Variants in FGGY observed in about 807,000 individuals in gnomAD.
The protein encoded by FGGY is FGGY carbohydrate kinase domain containing, also known as FGGY carbohydrate kinase domain-containing protein.
A neutral mutation model predicts 71.3 loss-of-function variants in FGGY; 72 were observed. The ratio of observed to expected loss-of-function variants is 1.01; its 90% confidence interval spans 0.84 to 1.23. FGGY has a LOEUF of 1.23. Among genes scored for constraint, FGGY ranks in the 50% most tolerant of loss-of-function variants. The pLI is 0.00. For synonymous variants in FGGY, 251 were observed against 250.3 expected (o/e 1.00, Z -0.02); for missense variants, 668 against 682.3 (o/e 0.98, Z 0.23).
intron 14 of FGGY, among the ~76,000 whole-genome samples, chr1:59,731,268 G>A (rs1383293925): frequency 1.9e-4 from 29 of 152,170 alleles, no homozygotes; most frequent in Admixed American, 1.4e-3. Flanking sequence ...CAAAGAAGGC[G>A]GGAAAGAAAA....
chr1:59,474,769 A>G (rs2093176549), intron 6 of FGGY, among the ~76,000 whole-genome samples: 1 of 152,234 alleles, frequency 6.6e-6, no homozygotes, highest in Non-Finnish European at 1.5e-5. Flanking sequence ...TAAATAAGTA[A>G]TAAGTTCACA....
intron 4 of FGGY, among the ~76,000 whole-genome samples, chr1:59,354,481 G>A (rs915891371): frequency 6.6e-6 from 1 of 152,208 alleles, no homozygotes; most frequent in African/African-American, 2.4e-5. Context: ...TTGAACTTTG[G>A]CATTTCACAT....
chr1:59,444,483 G>A (rs1204009247), intron 5 of FGGY, among the ~76,000 whole-genome samples: 2 of 151,974 alleles, frequency 1.3e-5, no homozygotes, highest in East Asian at 1.9e-4. Context: ...TCTTACAGTG[G>A]TATAGAACAG....
At chr1:59,319,789 C>A (rs2046066132) in intron 1 of FGGY, among the ~76,000 whole-genome samples, 3 of 152,004 alleles carry the variant, frequency 2.0e-5, no homozygotes, top group African/African-American at 7.3e-5. Flanking sequence ...GTGTGAGATC[C>A]CGTGCTGAGG....
chr1:59,345,014 C>T (rs188172158), intron 3 of FGGY, among the ~76,000 whole-genome samples: 1 of 152,218 alleles, frequency 6.6e-6, no homozygotes, highest in East Asian at 1.9e-4. Context: ...TTCCAAAATA[C>T]ACTTTGTGCA....
chr1:59,605,064 A>T (rs149385947), intron 8 of FGGY, among the ~76,000 whole-genome samples: 181 of 152,214 alleles, frequency 1.2e-3, no homozygotes, highest in African/African-American at 4.2e-3. Context: ...TCTCATACAC[A>T]CAACACTCAC....
intron 9 of FGGY, among the ~76,000 whole-genome samples, chr1:59,616,015 G>A (rs560591842): frequency 2.5e-4 from 38 of 152,266 alleles, no homozygotes; most frequent in African/African-American, 8.4e-4. Context: ...TGGAGAAATA[G>A]GAACACTTTT....
intron 5 of FGGY, among the ~76,000 whole-genome samples, chr1:59,447,059 C>T (rs777046779): frequency 6.2e-4 from 94 of 152,118 alleles, no homozygotes; most frequent in Admixed American, 2.6e-4. Flanking sequence ...ATTTTGGTGA[C>T]CCTTTCGCTT....
intron 14 of FGGY, among the ~76,000 whole-genome samples, chr1:59,731,055 T>C (rs2098021251): frequency 6.6e-6 from 1 of 152,176 alleles, no homozygotes; most frequent in South Asian, 2.1e-4. Flanking sequence ...CAAGGTCCAT[T>C]TTCTCCCTGC....
At chr1:59,685,747 A>G (rs2097538896) in intron 14 of FGGY, among the ~76,000 whole-genome samples, 2 of 152,146 alleles carry the variant, frequency 1.3e-5, no homozygotes, top group African/African-American at 4.8e-5. Flanking sequence ...TCTGATCTGG[A>G]CTAGGCAGTT....
At chr1:59,335,155 G>A (rs1309775884) in intron 2 of FGGY, among the ~76,000 whole-genome samples, 1 of 152,086 alleles carries the variant, frequency 6.6e-6, no homozygotes, top group Non-Finnish European at 1.5e-5. Flanking sequence ...TTATACAGTG[G>A]TGCAATCATC....
At chr1:59,735,674 C>T (rs2098095156) in intron 14 of FGGY, among the ~76,000 whole-genome samples, 2 of 152,238 alleles carry the variant, frequency 1.3e-5, no homozygotes, top group Non-Finnish European at 2.9e-5. Context: ...GAATGCTGCT[C>T]AGACCCACAA....
chr1:59,659,661 A>G (rs2097256454), intron 11 of FGGY, among the ~76,000 whole-genome samples: 1 of 152,166 alleles, frequency 6.6e-6, no homozygotes, highest in Admixed American at 6.5e-5. Context: ...TCAGAGATTG[A>G]CATACTCCAT....
In FGGY at chr1:59,554,175, C is replaced by G. The variant is rs1275880573; in HGVS notation, c.851C>G (p.Pro284Arg). ...CACGGCCTCATCTGTGAGGGGCAGCCAGTGACGTCACGGCTGGCTGTCATC... is the reference window on the plus strand; with the variant it reads ...CACGGCCTCATCTGTGAGGGGCAGCGAGTGACGTCACGGCTGGCTGTCATC... ...RGHGLICEGQ[P>R]VTSRLAVICG... is the part of the protein sequence containing the mutation. The change falls in exon 8 of 16, where the codon CCA becomes CGA. Residue 284 changes from proline to arginine, a missense_variant. Around this residue, in one of 2 missense-constraint regions of FGGY, gnomAD observed 661 missense variants for 661.6 expected, o/e 1.00. Transcript: ENST00000303721. The G allele has an allele frequency of 6.2e-7, 1 of 1,613,680 alleles. No homozygotes were observed. Among genetic ancestry groups the G allele is most frequent in the Admixed American group, 1.7e-5 (1 of 60,022 alleles).
intron 4 of FGGY, among the ~76,000 whole-genome samples, chr1:59,352,420 T>C (rs74763760): frequency 0.024 from 3,720 of 152,324 alleles, 175 homozygotes; most frequent in African/African-American, 0.086. Flanking sequence ...TTGAGATTTT[T>C]CTTGCTTATT....
chr1:59,759,665 AG>A (rs1455048806), intron 15 of FGGY, among the ~76,000 whole-genome samples: 1 of 152,236 alleles, frequency 6.6e-6, no homozygotes, highest in East Asian at 1.9e-4. Flanking sequence ...GAGATTTGCA[AG>A]GAGACAGGAG....
chr1:59,504,366 G>T (rs1212731994), intron 6 of FGGY, among the ~76,000 whole-genome samples: 3 of 129,958 alleles, frequency 2.3e-5, no homozygotes, highest in Non-Finnish European at 4.8e-5. Flanking sequence ...GAAGCCAGTA[G>T]TTCAGAAGTT....
intron 12 of FGGY, among the ~76,000 whole-genome samples, chr1:59,661,982 G>A (rs1378669420): frequency 6.8e-6 from 1 of 147,020 alleles, no homozygotes; most frequent in Non-Finnish European, 1.5e-5. Context: ...GCCTCCCAAA[G>A]TGCTGGGATT....
intron 8 of FGGY, among the ~76,000 whole-genome samples, chr1:59,585,587 C>T (rs9436180): frequency 0.49 from 74,267 of 151,968 alleles, 19,633 homozygotes; most frequent in African/African-American, 0.7. Flanking sequence ...ACCTAGGCAT[C>T]ACCATTCAGG....
Sources: allele counts gnomAD v4.1 joint callset (sites outside exome capture counted in the v4.1 genomes callset), GRCh38; gene constraint gnomAD v4.1.1; regional missense constraint gnomAD v4.1.1; transcripts MANE v1.5; gene names NCBI Gene and HGNC (gene_info 2026-07-23, HGNC 2026-07-21).